The following KIAA1217 variants were observed in gnomAD, a reference collection of about 807,000 sequenced individuals.
KIAA1217 encodes the protein sickle tail protein homolog.
A neutral mutation model predicts 163.9 loss-of-function variants in KIAA1217; 88 were observed. The observed-to-expected ratio is 0.54, with a 90% CI of 0.45 to 0.64. The LOEUF is 0.64. KIAA1217 is among the 30% of genes least tolerant of loss of function. KIAA1217 has a pLI of 0.00. For synonymous variants in KIAA1217, 903 were observed against 923.1 expected (o/e 0.98, Z 0.39); for missense variants, 2,372 against 2,475.0 (o/e 0.96, Z 0.88).
intron 2 of KIAA1217, among the ~76,000 whole-genome samples, chr10:24,360,711 C>T (rs1006415378): frequency 6.6e-6 from 1 of 152,278 alleles, no homozygotes; most frequent in East Asian, 1.9e-4. Context: ...CAGGGCACCC[C>T]CTTGTGGTGC....
intron 1 of KIAA1217, among the ~76,000 whole-genome samples, chr10:23,894,367 T>A (rs910665520): frequency 6.6e-6 from 1 of 151,362 alleles, no homozygotes; most frequent in African/African-American, 2.4e-5. Context: ...GAGAGCCAAA[T>A]CATGAGTGAA....
chr10:24,215,721 C>A (rs1351661823), intron 1 of KIAA1217, among the ~76,000 whole-genome samples: 1 of 152,210 alleles, frequency 6.6e-6, no homozygotes, highest in Non-Finnish European at 1.5e-5. Flanking sequence ...AAGAGCTGAG[C>A]CTTGTCGAGG....
At chr10:24,215,059 G>A (rs1469914501) in intron 1 of KIAA1217, among the ~76,000 whole-genome samples, 1 of 152,236 alleles carries the variant, frequency 6.6e-6, no homozygotes, top group East Asian at 1.9e-4. Flanking sequence ...GCCTCTGCGT[G>A]TTTGGTGTCT....
In KIAA1217 at chr10:24,494,540, A is replaced by T. The variant is rs765327239; in HGVS notation, c.1720A>T (p.Thr574Ser). 6.2e-7 allele frequency: 1 copy of T among 1,614,172 alleles called. No individual in the cohort carries two copies. Among genetic ancestry groups the T allele is most frequent in the Non-Finnish European group, 8.5e-7 (1 of 1,179,996 alleles). Residue 574 changes from threonine (T) to serine (S), a missense_variant, in exon 7 of 21, where the codon ACT becomes TCT. Thr to Ser is a moderately conservative substitution (Grantham distance 58). Around this residue, in one of 3 missense-constraint regions of KIAA1217, gnomAD observed 1,431 missense variants for 1,470.3 expected, o/e 0.97. Coordinates refer to ENST00000376454, the MANE Select transcript of KIAA1217 (RefSeq NM_019590.5). Reference protein sequence around the residue: ...QAMEKQIASLTGLVQSALFKG... With the variant: ...QAMEKQIASLSGLVQSALFKG... ...CATGGAGAAACAGATTGCCAGTTTAACTGGCCTTGTTCAGTCTGCGCTTTT... is the reference window on the plus strand; with the variant it reads ...CATGGAGAAACAGATTGCCAGTTTATCTGGCCTTGTTCAGTCTGCGCTTTT...
intron 1 of KIAA1217, among the ~76,000 whole-genome samples, chr10:23,704,162 GTGTGTGTGTGTATATATATATA>G (rs1469976121): frequency 3.8e-5 from 3 of 77,976 alleles, no homozygotes; most frequent in African/African-American, 2.1e-4. Flanking sequence ...GTGTGTGTGT[GTGTGTGTGTGTATATATATATA>G]TATATATATA....
At chr10:24,274,471 T>G (rs2077074460) in intron 2 of KIAA1217, among the ~76,000 whole-genome samples, 1 of 152,202 alleles carries the variant, frequency 6.6e-6, no homozygotes, top group Non-Finnish European at 1.5e-5. Context: ...GTAAAAAAGA[T>G]GAACCTGCTA....
chr10:24,477,943 A>G (rs1392361154), intron 6 of KIAA1217, among the ~76,000 whole-genome samples: 1 of 152,248 alleles, frequency 6.6e-6, no homozygotes, highest in Non-Finnish European at 1.5e-5. Flanking sequence ...CTTCATGAGC[A>G]CAGGGTCGTA....
intron 1 of KIAA1217, among the ~76,000 whole-genome samples, chr10:24,215,340 C>T (rs1243444955): frequency 6.6e-6 from 1 of 152,186 alleles, no homozygotes; most frequent in African/African-American, 2.4e-5. Context: ...AAGCCCAAGC[C>T]TTGCCTTCAT....
At chr10:24,328,204 C>T (rs1213630113) in intron 2 of KIAA1217, among the ~76,000 whole-genome samples, 1 of 152,166 alleles carries the variant, frequency 6.6e-6, no homozygotes, top group Non-Finnish European at 1.5e-5. Flanking sequence ...GTCTCAAATT[C>T]ATCTCCCTGT....
chr10:23,978,378 A>G (rs907252298), intron 1 of KIAA1217, among the ~76,000 whole-genome samples: 1 of 152,204 alleles, frequency 6.6e-6, no homozygotes, highest in African/African-American at 2.4e-5. Context: ...GGTCAGAGAC[A>G]TAATTATTTC....
At chr10:24,428,725 TAA>T (rs35677878) in intron 3 of KIAA1217, among the ~76,000 whole-genome samples, 5 of 144,908 alleles carry the variant, frequency 3.5e-5, no homozygotes, top group Admixed American at 6.9e-5. Flanking sequence ...ACAACAAACT[TAA>T]AAAAAAAAAA....
At chr10:24,503,963 C>T (rs1192779146) in intron 9 of KIAA1217, among the ~76,000 whole-genome samples, 2 of 152,216 alleles carry the variant, frequency 1.3e-5, no homozygotes, top group African/African-American at 2.4e-5. Context: ...GATGGAATTG[C>T]TTTAGCATAA....
chr10:23,914,158 T>A (rs1455462487), intron 1 of KIAA1217, among the ~76,000 whole-genome samples: 2 of 152,062 alleles, frequency 1.3e-5, no homozygotes, highest in Non-Finnish European at 2.9e-5. Flanking sequence ...GAGTGGGCCT[T>A]GGTCATTCTT....
chr10:24,480,649 C>T (rs2064563814), intron 6 of KIAA1217, among the ~76,000 whole-genome samples: 1 of 152,106 alleles, frequency 6.6e-6, no homozygotes, highest in East Asian at 1.9e-4. Flanking sequence ...CTGAGAGTTT[C>T]TAGTTTGAGC....
chr10:24,205,922 C>T (rs961272097), upstream of KIAA1217, among the ~76,000 whole-genome samples: 7 of 152,300 alleles, frequency 4.6e-5, no homozygotes, highest in African/African-American at 7.2e-5. Flanking sequence ...ATGCCATTTA[C>T]GTTGCGTTAT....
chr10:24,385,472 A>G (rs967237278), intron 3 of KIAA1217, among the ~76,000 whole-genome samples: 3 of 152,160 alleles, frequency 2.0e-5, no homozygotes, highest in Admixed American at 6.5e-5. Flanking sequence ...TCTACTTCTC[A>G]TTTGGGAGAA....
At chr10:24,386,364 A>C (rs963413010) in intron 3 of KIAA1217, among the ~76,000 whole-genome samples, 1 of 152,148 alleles carries the variant, frequency 6.6e-6, no homozygotes, top group African/African-American at 2.4e-5. Context: ...CCCTATGGGA[A>C]TTTAAGGAAA....
intron 1 of KIAA1217, among the ~76,000 whole-genome samples, chr10:23,831,658 T>G (rs1838207912): frequency 6.6e-6 from 1 of 152,182 alleles, no homozygotes; most frequent in Non-Finnish European, 1.5e-5. Flanking sequence ...TGATAATACA[T>G]AAAATAAATA....
intron 3 of KIAA1217, among the ~76,000 whole-genome samples, chr10:24,398,814 T>A (rs999298625): frequency 2.0e-5 from 3 of 152,174 alleles, no homozygotes; most frequent in Non-Finnish European, 4.4e-5. Flanking sequence ...CCCCAGAAGA[T>A]CATGCTTTGC....
Sources: allele counts gnomAD v4.1 joint callset (sites outside exome capture counted in the v4.1 genomes callset), GRCh38; gene constraint gnomAD v4.1.1; regional missense constraint gnomAD v4.1.1; transcripts MANE v1.5; gene names NCBI Gene and HGNC (gene_info 2026-07-23, HGNC 2026-07-21).